The following GRM7 variants were observed in gnomAD, a reference collection of about 807,000 sequenced individuals.
GRM7 encodes the protein metabotropic glutamate receptor 7.
In GRM7, 35 loss-of-function variants were observed where a neutral mutation model predicts 84.5. That is an observed-to-expected ratio of 0.41 (90% CI 0.32 to 0.55). The LOEUF is 0.55. Ranked by LOEUF, GRM7 falls within the 20% of genes least tolerant of loss-of-function variation. The probability of loss-of-function intolerance (pLI) is 0.19; values close to 1 mark genes in which losing one functional copy is unlikely to be tolerated. For missense variants in GRM7, 1,003 were observed against 1,194.6 expected (o/e 0.84, Z 2.36); for synonymous variants, 487 against 455.1 (o/e 1.07, Z -0.89).
intron 2 of GRM7, among the ~76,000 whole-genome samples, chr3:7,189,923 A>T (rs1290170228): frequency 6.6e-6 from 1 of 152,138 alleles, no homozygotes; most frequent in Admixed American, 6.5e-5. Flanking sequence ...TTATTTACAC[A>T]CACAGACCTA....
intron 2 of GRM7, among the ~76,000 whole-genome samples, chr3:7,260,183 T>C (rs1398982483): frequency 6.6e-6 from 1 of 152,112 alleles, no homozygotes; most frequent in Admixed American, 6.6e-5. Flanking sequence ...AGATGCTGGA[T>C]ATTAGACCTT....
chr3:7,206,948 G>GAT (rs1057371592), intron 2 of GRM7, among the ~76,000 whole-genome samples: 19 of 152,074 alleles, frequency 1.2e-4, no homozygotes, highest in Admixed American at 4.6e-4. Context: ...ATATGGACAA[G>GAT]ATATATATAT....
intron 1 of GRM7, among the ~76,000 whole-genome samples, chr3:6,997,204 A>G (rs1365377365): frequency 6.6e-6 from 1 of 151,820 alleles, no homozygotes; most frequent in Non-Finnish European, 1.5e-5. Context: ...AATAATTAAT[A>G]TTTTCTTGGT....
chr3:7,646,165 G>A (rs1032305785), intron 8 of GRM7, among the ~76,000 whole-genome samples: 1 of 152,114 alleles, frequency 6.6e-6, no homozygotes, highest in Admixed American at 6.6e-5. Context: ...GTTTGCCTGG[G>A]TGGACCACAG....
At chr3:7,057,849 G>A (rs1467294862) in intron 1 of GRM7, among the ~76,000 whole-genome samples, 1 of 151,830 alleles carries the variant, frequency 6.6e-6, no homozygotes, top group Non-Finnish European at 1.5e-5. Flanking sequence ...TTGTTTATTT[G>A]CAAATTACAA....
At chr3:7,370,537 T>G (rs1694087857) in intron 4 of GRM7, among the ~76,000 whole-genome samples, 1 of 151,192 alleles carries the variant, frequency 6.6e-6, no homozygotes, top group Non-Finnish European at 1.5e-5. Context: ...TGTGAGTCCA[T>G]TAAACCTCTT....
At chr3:7,241,371 C>T (rs1292966763) in intron 2 of GRM7, among the ~76,000 whole-genome samples, 28 of 152,070 alleles carry the variant, frequency 1.8e-4, no homozygotes, top group Admixed American at 1.6e-3. Context: ...CCATATACTG[C>T]TTTGAATGTT....
At chr3:7,373,437 C>A (rs182878221) in intron 4 of GRM7, among the ~76,000 whole-genome samples, 2 of 152,072 alleles carry the variant, frequency 1.3e-5, no homozygotes, top group East Asian at 1.9e-4. Flanking sequence ...AGCTTTAATC[C>A]CCCTTCTGGT....
At chr3:7,592,093 C>CAT (rs200569602) in intron 8 of GRM7, among the ~76,000 whole-genome samples, 71 of 151,626 alleles carry the variant, frequency 4.7e-4, no homozygotes, top group East Asian at 1.4e-3. Flanking sequence ...TGAAAATATG[C>CAT]ATATATATAT....
At chr3:7,044,586 T>G (rs1459659394) in intron 1 of GRM7, among the ~76,000 whole-genome samples, 1 of 152,194 alleles carries the variant, frequency 6.6e-6, no homozygotes, top group Non-Finnish European at 1.5e-5. Flanking sequence ...GTTTTATTAG[T>G]TACTTCTTGC....
intron 4 of GRM7, among the ~76,000 whole-genome samples, chr3:7,338,143 C>A (rs1701496902): frequency 6.7e-6 from 1 of 149,220 alleles, no homozygotes. Flanking sequence ...CACACACACA[C>A]CCCATGGAAT....
chr3:6,908,476 GA>G (rs1436648386), intron 1 of GRM7, among the ~76,000 whole-genome samples: 5 of 152,154 alleles, frequency 3.3e-5, no homozygotes, highest in Non-Finnish European at 7.4e-5. Context: ...TTTCGCAGAT[GA>G]AAAAACTGAG....
intron 7 of GRM7, among the ~76,000 whole-genome samples, chr3:7,537,315 A>G (rs567813957): frequency 6.6e-6 from 1 of 152,244 alleles, no homozygotes; most frequent in East Asian, 1.9e-4. Flanking sequence ...AACTAAAACT[A>G]CGGTTCTCAA....
intron 4 of GRM7, among the ~76,000 whole-genome samples, chr3:7,373,710 G>T (rs1450703022): frequency 2.0e-5 from 3 of 152,148 alleles, no homozygotes; most frequent in Non-Finnish European, 4.4e-5. Flanking sequence ...AGAAAATTCT[G>T]CTCCAAGTTT....
intron 1 of GRM7, among the ~76,000 whole-genome samples, chr3:6,919,076 A>G (rs1697033277): frequency 6.6e-6 from 1 of 152,260 alleles, no homozygotes; most frequent in South Asian, 2.1e-4. Context: ...CACATCAGGC[A>G]GATCTTACTT....
rs371438518 is a variant in GRM7, at chr3:7,235,937, T to C, written c.737-62747T>C. ...CTATAAGAAAATACCTTAGACTGGG[T>C]AATTTACAAACAACAGGCATTTATT... is the stretch of plus-strand genomic sequence containing the variant. On this transcript the variant is annotated intron_variant, in intron 2 of 9. Transcript: ENST00000357716. Among the ~76,000 whole-genome samples the C allele has an allele frequency of 3.6e-4, 55 of 152,298 alleles. No homozygotes were observed. The South Asian group carries it at 0.01, about 29-fold the overall frequency.
intron 1 of GRM7, among the ~76,000 whole-genome samples, chr3:7,075,739 T>A (rs1698053680): frequency 6.6e-6 from 1 of 152,110 alleles, no homozygotes; most frequent in Non-Finnish European, 1.5e-5. Context: ...TTGGCCAGGC[T>A]GGTTTCGAAC....
chr3:7,733,635 C>T (rs1041930737), intron 9 of GRM7, among the ~76,000 whole-genome samples: 6 of 152,174 alleles, frequency 3.9e-5, no homozygotes, highest in African/African-American at 1.4e-4. Context: ...AGGTCTCAGC[C>T]TTATTTTACC....
intron 1 of GRM7, among the ~76,000 whole-genome samples, chr3:6,879,572 G>C (rs927981179): frequency 6.6e-6 from 1 of 152,146 alleles, no homozygotes; most frequent in Non-Finnish European, 1.5e-5. Context: ...AGAAAGATGA[G>C]TGGACATAAA....
Sources: allele counts gnomAD v4.1 joint callset (sites outside exome capture counted in the v4.1 genomes callset), GRCh38; gene constraint gnomAD v4.1.1; transcripts MANE v1.5; gene names NCBI Gene and HGNC (gene_info 2026-07-23, HGNC 2026-07-21).